NECTIN3: variants seen among roughly 807,000 people sequenced by gnomAD.
NECTIN3 encodes nectin-3.
NECTIN3 carries 8 observed loss-of-function variants against 49.4 expected under a neutral mutation model. The observed-to-expected ratio is 0.16, with a 90% confidence interval of 0.10 to 0.29. The LOEUF (loss-of-function observed/expected upper bound fraction) is 0.29, where lower values mean the gene tolerates loss of function less well. Ranked by LOEUF, NECTIN3 falls within the 10% of genes least tolerant of loss-of-function variation. NECTIN3 has a pLI of 1.00. For synonymous variants in NECTIN3, 277 were observed against 241.1 expected (o/e 1.15, Z -1.38); for missense variants, 581 against 654.6 (o/e 0.89, Z 1.23).
intron 1 of NECTIN3, among the ~76,000 whole-genome samples, chr3:111,082,370 G>A (rs2031666693): frequency 6.6e-6 from 1 of 152,062 alleles, no homozygotes; most frequent in African/African-American, 2.4e-5. Flanking sequence ...AGAGAAAAGG[G>A]AACACAGGCA....
intron 4 of NECTIN3, among the ~76,000 whole-genome samples, chr3:111,125,593 G>T (rs754485928): frequency 2.5e-4 from 38 of 152,010 alleles, no homozygotes; most frequent in Non-Finnish European, 4.4e-5. Context: ...GTGGTGTCTT[G>T]GTTTTTATTG....
chr3:111,129,526 G>GA (rs2034299126), intron 5 of NECTIN3, among the ~76,000 whole-genome samples: 1 of 152,072 alleles, frequency 6.6e-6, no homozygotes, highest in Non-Finnish European at 1.5e-5. Flanking sequence ...AAACAATCAG[G>GA]AATCAATTTA....
At chr3:111,142,180 C>A (rs1409781898), downstream of NECTIN3, among the ~76,000 whole-genome samples, 1 of 151,784 alleles carries the variant, frequency 6.6e-6, no homozygotes, top group Non-Finnish European at 1.5e-5. Flanking sequence ...ATTATTAACA[C>A]CTTAAGTACT....
In NECTIN3 at chr3:111,171,731, C is replaced by T. The variant is rs899272846; in HGVS notation, c.1222-20620C>T. On this transcript the variant is annotated intron_variant, in intron 7 of 8. Coordinates refer to the NECTIN3 transcript ENST00000493615. ...CATAAAAAAAAAAACCTCTTCAAAA[C>T]AGTTCAAAGATACACATGTCATCTC... Among the ~76,000 whole-genome samples, 4 of 151,328 alleles carry T rather than the reference C, an allele frequency of 2.6e-5. No homozygotes were observed. The South Asian group carries it at 6.2e-4, about 24-fold the overall frequency.
intron 1 of NECTIN3, chr3:111,072,673 C>A: frequency 8.4e-7 from 1 of 1,186,322 alleles, no homozygotes; most frequent in Non-Finnish European, 1.2e-6. Flanking sequence ...GCCCACCCAG[C>A]CGCAGAATCC....
At chr3:111,072,688 C>A in intron 1 of NECTIN3, 1 of 1,080,716 alleles carries the variant, frequency 9.3e-7, no homozygotes, top group Non-Finnish European at 1.3e-6. Context: ...GAATCCCCTA[C>A]AGCTAGTTTT....
At position 111,136,033 on chromosome 3, in the gene NECTIN3, T is replaced by C; in HGVS notation, c.*1818T>C. 1.0e-6 allele frequency: 1 copy of C among 979,020 alleles called. No individual in the cohort carries two copies. Among genetic ancestry groups the C allele is most frequent in the Non-Finnish European group, 1.2e-6 (1 of 824,244 alleles). 60.6% of individuals were successfully genotyped at this position (979,020 alleles called of 1,614,324 possible). A position where few individuals can be genotyped will look rare whatever the true frequency, so the allele number is the denominator to read the frequency against. On this transcript the variant is annotated 3_prime_UTR_variant, in exon 6 of 6. Transcript: ENST00000485303. ...GTGCAAGTTTTTGGAAGAAAACTTT[T>C]TGATAAAACACTGTGATTGATGTGA... is the stretch of plus-strand genomic sequence containing the variant.
intron 1 of NECTIN3, among the ~76,000 whole-genome samples, chr3:111,078,832 AGTC>A (rs1423063819): frequency 1.3e-5 from 2 of 152,132 alleles, no homozygotes; most frequent in African/African-American, 4.8e-5. Flanking sequence ...TGAGAATAGT[AGTC>A]TTCTGCTTTG....
chr3:111,169,595 A>G (rs1355971933), intron 7 of NECTIN3, among the ~76,000 whole-genome samples: 1 of 152,104 alleles, frequency 6.6e-6, no homozygotes, highest in Non-Finnish European at 1.5e-5. Flanking sequence ...AAAGTTGTTG[A>G]TGATTATTCC....
intron 7 of NECTIN3, among the ~76,000 whole-genome samples, chr3:111,150,330 G>A (rs1226802283): frequency 1.3e-5 from 2 of 151,892 alleles, no homozygotes; most frequent in Non-Finnish European, 2.9e-5. Context: ...TATTTTCACA[G>A]TAGTTATCTG....
chr3:111,091,792 A>G (rs139107127), intron 1 of NECTIN3, among the ~76,000 whole-genome samples: 3 of 152,238 alleles, frequency 2.0e-5, no homozygotes, highest in Non-Finnish European at 4.4e-5. Flanking sequence ...GTGGACATAT[A>G]TTTTTATTTC....
intron 7 of NECTIN3, among the ~76,000 whole-genome samples, chr3:111,150,470 T>C (rs1054940636): frequency 3.9e-5 from 6 of 151,976 alleles, no homozygotes; most frequent in African/African-American, 1.2e-4. Context: ...CACAAATATG[T>C]ATATTTGTGT....
chr3:111,152,966 T>C (rs2035030012), intron 7 of NECTIN3, among the ~76,000 whole-genome samples: 1 of 151,946 alleles, frequency 6.6e-6, no homozygotes, highest in Non-Finnish European at 1.5e-5. Context: ...GATGGTCTTA[T>C]TTTCTCCCAG....
At position 111,133,754 on chromosome 3, in the gene NECTIN3, A is replaced by G; in HGVS notation, c.1189A>G (p.Ile397Val). Residue 397 changes from isoleucine (I) to valine (V), a missense_variant, in exon 6 of 6, where the codon ATT becomes GTT. Physicochemically the swap from Ile to Val is conservative, Grantham distance 29 (BLOSUM62 3). Transcript: ENST00000485303. ...CTTCCCATTGTCAACTTTGGCAACA[A>G]TTAAGGATGACACAATTGCCACGAT... ...LPFPLSTLATIKDDTIATIIA... is the reference protein window; with the variant it reads ...LPFPLSTLATVKDDTIATIIA... 2 of 1,613,980 alleles carry G rather than the reference A, an allele frequency of 1.2e-6. No homozygotes were observed. The highest frequency in any genetic ancestry group is 2.2e-5 in the South Asian group (2 of 91,076).
In NECTIN3 at chr3:111,111,899, ATGTGTGTG is replaced by A. The variant is rs10581136; in HGVS notation, c.161-103_161-96del. 152,945 of 541,864 alleles carry A rather than the reference ATGTGTGTG, an allele frequency of 0.28. 3,691 individuals carry two copies. Among genetic ancestry groups the A allele is most frequent in the South Asian group, 0.31 (13,075 of 41,946 alleles). 33.6% of individuals were successfully genotyped at this position (541,864 alleles called of 1,614,324 possible). On this transcript the variant is annotated intron_variant, in intron 1 of 5. Transcript: ENST00000485303. ...TGTGAGTGCATGTGTGTGTGTGTGC[ATGTGTGTG>A]TGTGTGTGTGTGTGTGTGTGTGTGT...
downstream of NECTIN3, among the ~76,000 whole-genome samples, chr3:111,138,274 TTTC>T: frequency 6.6e-6 from 1 of 151,798 alleles, no homozygotes; most frequent in East Asian, 1.9e-4. Flanking sequence ...GACCAGGGTT[TTTC>T]TTTGATAATA....
intron 7 of NECTIN3, among the ~76,000 whole-genome samples, chr3:111,154,114 A>C (rs996753505): frequency 6.6e-6 from 1 of 152,152 alleles, no homozygotes; most frequent in East Asian, 1.9e-4. Flanking sequence ...AATATTGTAC[A>C]TATCCGTCAT....
intron 1 of NECTIN3, among the ~76,000 whole-genome samples, chr3:111,075,530 C>A (rs1213759320): frequency 6.6e-6 from 1 of 152,068 alleles, no homozygotes; most frequent in Non-Finnish European, 1.5e-5. Flanking sequence ...TAGTAACACT[C>A]AAATGTTAGC....
intron 1 of NECTIN3, chr3:111,193,417 T>C: frequency 6.6e-7 from 1 of 1,511,798 alleles, no homozygotes; most frequent in Non-Finnish European, 8.9e-7. Context: ...AACAAATGTT[T>C]ATTCTTAGAT....
Sources: allele counts gnomAD v4.1 joint callset (sites outside exome capture counted in the v4.1 genomes callset), GRCh38; gene constraint gnomAD v4.1.1; transcripts MANE v1.5; gene names NCBI Gene and HGNC (gene_info 2026-07-23, HGNC 2026-07-21).